The following EVI5 variants were observed in gnomAD, a reference collection of about 807,000 sequenced individuals.
The protein encoded by EVI5 is ecotropic viral integration site 5 protein homolog.
In EVI5, 73 loss-of-function variants were observed where a neutral mutation model predicts 112.0. The ratio of observed to expected loss-of-function variants is 0.65; its 90% CI spans 0.54 to 0.79. The LOEUF is 0.79. Ranked by LOEUF, EVI5 falls within the 30% of genes least tolerant of loss-of-function variation. The pLI, the probability that EVI5 is intolerant of heterozygous loss-of-function variation, is 0.00. For synonymous variants in EVI5, 305 were observed against 319.9 expected (o/e 0.95, Z 0.50); for missense variants, 900 against 968.8 (o/e 0.93, Z 0.94).
chr1:92,696,851 A>T (rs1015062599), intron 6 of EVI5, among the ~76,000 whole-genome samples: 1 of 152,108 alleles, frequency 6.6e-6, no homozygotes, highest in Admixed American at 6.5e-5. Context: ...ATCCTGGCTA[A>T]CATGGTGAAA....
At chr1:92,702,058 A>T in intron 5 of EVI5, 83 bp downstream of exon 5, 2 of 680,696 alleles carry the variant, frequency 2.9e-6, no homozygotes, top group Non-Finnish European at 2.5e-6. Context: ...ACTTACATTT[A>T]ATAAAACAAA....
chr1:92,701,522 A>C (rs1293141630), intron 5 of EVI5, among the ~76,000 whole-genome samples: 2 of 152,198 alleles, frequency 1.3e-5, no homozygotes, highest in Non-Finnish European at 2.9e-5. Context: ...CTAAATAAAG[A>C]GTAAGATGGA....
intron 9 of EVI5, among the ~76,000 whole-genome samples, chr1:92,689,290 G>A (rs546559151): frequency 4.6e-5 from 7 of 151,768 alleles, no homozygotes; most frequent in African/African-American, 1.7e-4. Flanking sequence ...CCTTAATAAT[G>A]CCCCCTGCTA....
chr1:92,739,924 C>T (rs530224103), intron 1 of EVI5, among the ~76,000 whole-genome samples: 2 of 150,716 alleles, frequency 1.3e-5, no homozygotes, highest in East Asian at 1.9e-4. Flanking sequence ...GTGCCATCAC[C>T]GAGAGTCAAA....
intron 19 of EVI5, among the ~76,000 whole-genome samples, chr1:92,548,553 ATTGTCCCTG>A (rs1206668592): frequency 6.6e-6 from 1 of 152,172 alleles, no homozygotes; most frequent in Admixed American, 6.5e-5. Context: ...AGGAAGTCAA[ATTGTCCCTG>A]TTTGCAGATG....
At chr1:92,647,064 TTCC>T (rs753806295) in intron 13 of EVI5, 98 of 202,680 alleles carry the variant, frequency 4.8e-4, no homozygotes, top group South Asian at 1.2e-3. Flanking sequence ...CTTCTTCCTC[TTCC>T]TCCTCCTCCT....
chr1:92,765,215 C>CT (rs533143502), intron 1 of EVI5, among the ~76,000 whole-genome samples: 69,233 of 116,406 alleles, frequency 0.59, 21,640 homozygotes, highest in East Asian at 0.91. Flanking sequence ...TTTTTCCTTC[C>CT]TTTTTTTTTT....
At chr1:92,676,494 T>C (rs1389379182) in intron 10 of EVI5, among the ~76,000 whole-genome samples, 1 of 152,160 alleles carries the variant, frequency 6.6e-6, no homozygotes, top group African/African-American at 2.4e-5. Flanking sequence ...CTTCCACTTA[T>C]CAACGCCATC....
intron 13 of EVI5, among the ~76,000 whole-genome samples, chr1:92,646,217 A>C (rs1660931594): frequency 1.3e-5 from 2 of 152,248 alleles, no homozygotes; most frequent in African/African-American, 2.4e-5. Flanking sequence ...AACTTCAAAA[A>C]CATTTCAGCA....
intron 1 of EVI5, among the ~76,000 whole-genome samples, chr1:92,761,604 T>C (rs771138985): frequency 6.6e-6 from 1 of 151,320 alleles, no homozygotes; most frequent in Non-Finnish European, 1.5e-5. Context: ...TGAATTAATA[T>C]GTGGAGAGTT....
intron 9 of EVI5, 75 bp downstream of exon 9, chr1:92,693,727 C>G: frequency 1.3e-6 from 1 of 779,502 alleles, no homozygotes; most frequent in Non-Finnish European, 2.2e-6. Flanking sequence ...GTTCTATAAC[C>G]TAAGGAGGAA....
At chr1:92,557,212 GTT>G (rs1557779724) in intron 19 of EVI5, among the ~76,000 whole-genome samples, 8 of 151,898 alleles carry the variant, frequency 5.3e-5, no homozygotes, top group Admixed American at 3.9e-4. Context: ...GTTTTATTTT[GTT>G]TATAGCATAC....
At chr1:92,712,703 G>C (rs574577300) in intron 2 of EVI5, among the ~76,000 whole-genome samples, 1 of 152,056 alleles carries the variant, frequency 6.6e-6, no homozygotes, top group South Asian at 2.1e-4. Flanking sequence ...TTTTTAAATA[G>C]AGACTTGAAA....
chr1:92,574,988 T>C (rs926631499), intron 18 of EVI5, among the ~76,000 whole-genome samples: 4 of 152,196 alleles, frequency 2.6e-5, no homozygotes, highest in Admixed American at 6.5e-5. Context: ...GATTTTATTT[T>C]TTGAGCATTT....
At chr1:92,744,596 T>TCA (rs1336913093) in intron 1 of EVI5, among the ~76,000 whole-genome samples, 22 of 25,564 alleles carry the variant, frequency 8.6e-4, no homozygotes, top group African/African-American at 1.2e-3. Context: ...TCTCTCTCTC[T>TCA]CTCTCACACA....
At chr1:92,777,710 T>C (rs1489939129) in intron 1 of EVI5, among the ~76,000 whole-genome samples, 2 of 152,196 alleles carry the variant, frequency 1.3e-5, no homozygotes, top group Admixed American at 1.3e-4. Context: ...CAAGGTGAGA[T>C]GGCAGATTGA....
intron 19 of EVI5, among the ~76,000 whole-genome samples, chr1:92,531,818 C>T (rs1250491931): frequency 1.3e-5 from 2 of 152,200 alleles, no homozygotes; most frequent in Non-Finnish European, 2.9e-5. Flanking sequence ...CAGCCAGTAC[C>T]AGCCACTGCA....
At chr1:92,721,173 C>G (rs1377764356) in intron 2 of EVI5, among the ~76,000 whole-genome samples, 1 of 152,232 alleles carries the variant, frequency 6.6e-6, no homozygotes, top group Non-Finnish European at 1.5e-5. Context: ...GATCCCATTA[C>G]TGGGTATATA....
At chr1:92,650,018 C>T (rs1468329031) in intron 13 of EVI5, among the ~76,000 whole-genome samples, 2 of 152,174 alleles carry the variant, frequency 1.3e-5, no homozygotes, top group African/African-American at 2.4e-5. Context: ...TTTCTGGACT[C>T]TCATTTCTAT....
Sources: allele counts gnomAD v4.1 joint callset (sites outside exome capture counted in the v4.1 genomes callset), GRCh38; gene constraint gnomAD v4.1.1; transcripts MANE v1.5; gene names NCBI Gene and HGNC (gene_info 2026-07-23, HGNC 2026-07-21).